DACH2: variants seen among roughly 807,000 people sequenced by gnomAD.
DACH2 encodes dachshund family transcription factor 2, also known as dachshund homolog 2.
Under a neutral mutation model 35.8 loss-of-function variants are expected in DACH2, and 17 were observed. The observed-to-expected ratio is 0.48, with a 90% CI of 0.33 to 0.71. The LOEUF is 0.71. DACH2 is among the 30% of genes least tolerant of loss of function. DACH2 has a pLI of 0.02. For missense variants in DACH2, 469 were observed against 472.7 expected, an observed-to-expected ratio of 0.99 and a Z score of 0.07; for synonymous variants, 195 against 177.3, an observed-to-expected ratio of 1.10 and a Z score of -0.79.
intron 1 of DACH2, among the ~76,000 whole-genome samples, chrX:86,217,882 A>G (rs754846898): frequency 3.9e-4 from 43 of 109,664 alleles, no homozygotes; most frequent in East Asian, 5.6e-4. Flanking sequence ...ATGGATAACA[A>G]ATGTAATGTA....
intron 4 of DACH2, among the ~76,000 whole-genome samples, chrX:86,674,963 G>GA (rs1384382182): frequency 9.1e-6 from 1 of 110,113 alleles, no homozygotes; most frequent in African/African-American, 3.3e-5. Context: ...TATTGGAATT[G>GA]AAAAAAACAA....
intron 10 of DACH2, among the ~76,000 whole-genome samples, chrX:86,815,543 A>G (rs928173979): frequency 4.6e-5 from 5 of 108,602 alleles, no homozygotes; most frequent in Admixed American, 3.0e-4. Context: ...ACCACAAACC[A>G]TAATGAGTAT....
At chrX:86,411,050 AAAGGGGAG>A (rs1569386491) in intron 2 of DACH2, among the ~76,000 whole-genome samples, 4 of 90,020 alleles carry the variant, frequency 4.4e-5, no homozygotes, top group South Asian at 5.7e-4. Context: ...GTATATATGT[AAAGGGGAG>A]TTTATTTAGT....
chrX:86,526,621 G>A (rs73631959), intron 3 of DACH2, among the ~76,000 whole-genome samples: 116 of 110,793 alleles, frequency 1.0e-3, no homozygotes, highest in African/African-American at 3.7e-3. Flanking sequence ...ATGCCCAAAC[G>A]TAGAGCTTAA....
At chrX:86,378,669 G>T in intron 2 of DACH2, among the ~76,000 whole-genome samples, 1 of 111,279 alleles carries the variant, frequency 9.0e-6, no homozygotes, top group Admixed American at 9.6e-5. Flanking sequence ...AAATCCATCT[G>T]GGGTCAGGAT....
chrX:86,250,355 G>A (rs775116325), intron 1 of DACH2, among the ~76,000 whole-genome samples: 2 of 111,067 alleles, frequency 1.8e-5, no homozygotes, highest in Non-Finnish European at 3.8e-5. Context: ...TATATGCACT[G>A]GCAGGGTATA....
chrX:86,295,484 G>A (rs1343961502), intron 1 of DACH2, among the ~76,000 whole-genome samples: 1 of 111,394 alleles, frequency 9.0e-6, no homozygotes, highest in Admixed American at 9.5e-5. Flanking sequence ...TTAACACTTC[G>A]GCTTGCTCAG....
At chrX:86,263,866 T>C (rs1051323133) in intron 1 of DACH2, among the ~76,000 whole-genome samples, 1 of 112,070 alleles carries the variant, frequency 8.9e-6, no homozygotes, top group Admixed American at 9.5e-5. Flanking sequence ...CAATTAGGTA[T>C]ACCTCTTTAA....
At chrX:86,512,368 C>A (rs1398336008) in intron 2 of DACH2, among the ~76,000 whole-genome samples, 1 of 110,745 alleles carries the variant, frequency 9.0e-6, no homozygotes, top group African/African-American at 3.3e-5. Flanking sequence ...TAATGCTTCC[C>A]AAGCCTGGGT....
chrX:86,226,545 C>T (rs1444804809), intron 1 of DACH2, among the ~76,000 whole-genome samples: 1 of 111,637 alleles, frequency 9.0e-6, no homozygotes, highest in East Asian at 2.8e-4. Flanking sequence ...ATGGAAGTAA[C>T]TAGAGATTAA....
At chrX:86,572,814 C>CTCT (rs1271945230) in intron 3 of DACH2, among the ~76,000 whole-genome samples, 2 of 111,272 alleles carry the variant, frequency 1.8e-5, no homozygotes, top group African/African-American at 6.5e-5. Flanking sequence ...TAATTTTAAA[C>CTCT]TCTTATTACT....
intron 1 of DACH2, among the ~76,000 whole-genome samples, chrX:86,296,127 C>T (rs1006584779): frequency 4.6e-5 from 5 of 109,145 alleles, no homozygotes; most frequent in Non-Finnish European, 7.6e-5. Flanking sequence ...CGCTTGTAAT[C>T]TCAGCACTTT....
chrX:86,519,335 A>G (rs142501070), intron 3 of DACH2, among the ~76,000 whole-genome samples: 5,529 of 111,889 alleles, frequency 0.049, 115 homozygotes, highest in Middle Eastern at 0.099. Flanking sequence ...GATGTTCATG[A>G]AGGGCATTGG....
At chrX:86,801,001 A>C (rs1005817295) in intron 7 of DACH2, among the ~76,000 whole-genome samples, 4 of 111,243 alleles carry the variant, frequency 3.6e-5, no homozygotes, top group African/African-American at 1.3e-4. Context: ...TGTCTATATT[A>C]CACAGGACAA....
rs148686538 is a variant in DACH2 at position 86,457,263 on chromosome X, C to T, written c.528-57016C>T. Among the ~76,000 whole-genome samples, 23 of 111,736 alleles carry T rather than the reference C, an allele frequency of 2.1e-4. 1 individual carries two copies. In the South Asian group the frequency reaches 3.3e-3, roughly 16 times the overall value. ...AATTCTGTATAAGAAGGATGGATAA[C>T]GGTTCTCTAAGTAACAGCTATTATA... On this transcript the variant is annotated intron_variant, in intron 2 of 11. Transcript: ENST00000373125.
At chrX:86,527,563 G>A (rs2038652271) in intron 3 of DACH2, among the ~76,000 whole-genome samples, 1 of 112,149 alleles carries the variant, frequency 8.9e-6, no homozygotes. Context: ...GTATTTTATG[G>A]TATGAATATA....
intron 2 of DACH2, among the ~76,000 whole-genome samples, chrX:86,389,069 C>T (rs936145143): frequency 4.5e-5 from 5 of 111,386 alleles, no homozygotes; most frequent in Admixed American, 3.9e-4. Context: ...TATTCCCTGA[C>T]CCCACACCTG....
At chrX:86,203,833 T>C (rs1202981868) in intron 1 of DACH2, among the ~76,000 whole-genome samples, 1 of 111,026 alleles carries the variant, frequency 9.0e-6, no homozygotes, top group African/African-American at 3.3e-5. Flanking sequence ...AAGACAAGAA[T>C]AGAGTTTGGG....
chrX:86,298,488 G>C (rs2034511703), intron 1 of DACH2, among the ~76,000 whole-genome samples: 1 of 111,706 alleles, frequency 9.0e-6, no homozygotes, highest in African/African-American at 3.2e-5. Context: ...ATGACCAAGT[G>C]GTTTTGTTGA....
Sources: allele counts gnomAD v4.1 joint callset (sites outside exome capture counted in the v4.1 genomes callset), GRCh38; gene constraint gnomAD v4.1.1; transcripts MANE v1.5; gene names NCBI Gene and HGNC (gene_info 2026-07-23, HGNC 2026-07-21).